Variants in FUT8 observed in about 807,000 individuals in gnomAD.
FUT8 encodes the protein fucosyltransferase 8, also known as alpha-(1,6)-fucosyltransferase.
FUT8 carries 29 observed loss-of-function variants against 71.3 expected under a neutral mutation model. The observed-to-expected ratio is 0.41, with a 90% CI of 0.30 to 0.55. The LOEUF (loss-of-function observed/expected upper bound fraction) is 0.55. FUT8 is among the 20% of genes least tolerant of loss of function. The probability of loss-of-function intolerance (pLI) is 0.34; values close to 1 mark genes in which losing one functional copy is unlikely to be tolerated. For synonymous variants in FUT8, 254 were observed against 239.3 expected (o/e 1.06, Z -0.57); for missense variants, 544 against 702.1 (o/e 0.77, Z 2.55).
At chr14:65,463,345 C>T (rs1030139309) in intron 2 of FUT8, among the ~76,000 whole-genome samples, 2 of 152,180 alleles carry the variant, frequency 1.3e-5, no homozygotes, top group Non-Finnish European at 2.9e-5. Context: ...CGGCTCACTG[C>T]AGCCTTGACC....
intron 7 of FUT8, among the ~76,000 whole-genome samples, chr14:65,693,349 A>T (rs2140450130): frequency 6.6e-6 from 1 of 152,364 alleles, no homozygotes; most frequent in East Asian, 1.9e-4. Flanking sequence ...CACCAAAAAA[A>T]TACGAAAACC....
intron 2 of FUT8, chr14:65,479,676 G>T (rs547537746): frequency 1.6e-4 from 24 of 146,860 alleles, no homozygotes; most frequent in Admixed American, 1.4e-3. Context: ...TTCTTTGCTT[G>T]TTTTTGATCT....
intron 1 of FUT8, among the ~76,000 whole-genome samples, chr14:65,453,571 A>G (rs183565493): frequency 1.3e-5 from 2 of 152,100 alleles, no homozygotes; most frequent in Non-Finnish European, 2.9e-5. Context: ...TTATAGAGTC[A>G]TCTTTATTCT....
chr14:65,554,965 T>C (rs1885509640), intron 2 of FUT8, among the ~76,000 whole-genome samples: 1 of 152,232 alleles, frequency 6.6e-6, no homozygotes, highest in African/African-American at 2.4e-5. Flanking sequence ...GATCCTTTTG[T>C]AGCTTGTTTT....
chr14:65,559,362 T>C (rs1442276500), intron 2 of FUT8, among the ~76,000 whole-genome samples: 2 of 152,128 alleles, frequency 1.3e-5, no homozygotes, highest in Admixed American at 6.6e-5. Context: ...AAATTGACTA[T>C]CTACATAGCA....
chr14:65,517,623 A>C (rs1163923117), intron 2 of FUT8, among the ~76,000 whole-genome samples: 2 of 152,302 alleles, frequency 1.3e-5, no homozygotes, highest in Non-Finnish European at 2.9e-5. Context: ...TCATATCAAC[A>C]TGGAAATTAG....
intron 7 of FUT8, among the ~76,000 whole-genome samples, chr14:65,693,485 G>T (rs555046682): frequency 1.3e-5 from 2 of 152,314 alleles, no homozygotes; most frequent in African/African-American, 4.8e-5. Flanking sequence ...GCTTCAGCTC[G>T]GCATCACAGG....
chr14:65,450,756 C>G (rs2065809195), intron 1 of FUT8, among the ~76,000 whole-genome samples: 1 of 152,058 alleles, frequency 6.6e-6, no homozygotes, highest in Admixed American at 6.5e-5. Context: ...AGTAAACTTT[C>G]ATGGTTAATC....
chr14:65,643,871 T>G lies in FUT8; in HGVS notation c.597+14265T>G, dbSNP rs1288331290. Among the ~76,000 whole-genome samples, 1 of 152,208 alleles carries G rather than the reference T, an allele frequency of 6.6e-6. No individual in the cohort carries two copies. Among genetic ancestry groups the G allele is most frequent in the Non-Finnish European group, 1.5e-5 (1 of 68,042 alleles). ...ATATCAGCCCAATATGTACTTGTTT[T>G]AAAGTTATTTCGAAAGTAATTTTCT... On this transcript the variant is annotated intron_variant, in intron 6 of 10. Transcript: ENST00000673929. The surrounding 1 kb of genome is among the most constrained non-coding windows in gnomAD (Gnocchi z 4.5).
At chr14:65,726,734 TC>T (rs1285008874) in intron 9 of FUT8, among the ~76,000 whole-genome samples, 3 of 151,844 alleles carry the variant, frequency 2.0e-5, no homozygotes, top group Admixed American at 6.6e-5. Flanking sequence ...TTCCCAACAG[TC>T]CCCCCGGAGT....
At chr14:65,536,245 A>G (rs1465871428) in intron 2 of FUT8, among the ~76,000 whole-genome samples, 1 of 152,136 alleles carries the variant, frequency 6.6e-6, no homozygotes, top group East Asian at 1.9e-4. Flanking sequence ...CATTTAGACC[A>G]TTTACATTCA....
the FUT8 span, among the ~76,000 whole-genome samples, chr14:65,378,609 C>G: frequency 1.3e-5 from 2 of 152,050 alleles, no homozygotes; most frequent in African/African-American, 4.8e-5. Flanking sequence ...ATTTTGGAAA[C>G]AGACAGAAAG....
the FUT8 span, among the ~76,000 whole-genome samples, chr14:65,387,180 A>AT: frequency 2.0e-5 from 3 of 152,062 alleles, no homozygotes; most frequent in African/African-American, 7.2e-5. Flanking sequence ...TCCTTTAAGT[A>AT]TTTTGACACT....
chr14:65,528,355 G>A (rs918763188), intron 2 of FUT8, among the ~76,000 whole-genome samples: 28 of 152,212 alleles, frequency 1.8e-4, no homozygotes, highest in Admixed American at 1.8e-3. Context: ...AGCCAGGCGC[G>A]GGATATAATC....
chr14:65,665,379 A>T (rs747231991), intron 6 of FUT8, among the ~76,000 whole-genome samples: 3 of 152,226 alleles, frequency 2.0e-5, no homozygotes, highest in Non-Finnish European at 4.4e-5. Context: ...GATGTATGCA[A>T]CTTTGAATTC....
the FUT8 span, among the ~76,000 whole-genome samples, chr14:65,375,826 C>T: frequency 2.3e-5 from 2 of 85,816 alleles, no homozygotes; most frequent in Admixed American, 1.2e-4. Context: ...TGCAGTGGCT[C>T]ATGCCTGTAA....
Position 65,553,965 on chromosome 14 carries a change from A to G in FUT8, c.-227-7372A>G, listed in dbSNP as rs1457586570. Among the ~76,000 whole-genome samples, 5 of 151,922 alleles carry G rather than the reference A, an allele frequency of 3.3e-5. No individual in the cohort carries two copies. The East Asian group carries it at 5.8e-4, about 18-fold the overall frequency. On this transcript the variant is annotated intron_variant, in intron 2 of 10. Transcript: ENST00000673929. ...CATTTTTTTACTTTGGAAAATTCCC[A>G]GCTAACATCTCTTTAAATGTATTTT... is the stretch of plus-strand genomic sequence containing the variant.
intron 3 of FUT8, among the ~76,000 whole-genome samples, chr14:65,585,770 G>T (rs1249523693): frequency 6.6e-6 from 1 of 152,228 alleles, no homozygotes; most frequent in Non-Finnish European, 1.5e-5. Context: ...ATTGGCGTTT[G>T]ATTTCCTCAA....
At chr14:65,452,640 A>G (rs2065844767) in intron 1 of FUT8, among the ~76,000 whole-genome samples, 1 of 152,234 alleles carries the variant, frequency 6.6e-6, no homozygotes, top group Non-Finnish European at 1.5e-5. Flanking sequence ...GCTTTCAATA[A>G]TTCAATTGAC....
Sources: gnomAD v4.1 joint callset for allele counts (sites outside exome capture counted in the v4.1 genomes callset) on GRCh38, gnomAD v4.1.1 for gene constraint, Gnocchi (gnomAD v3.1) non-coding constraint, MANE v1.5 for transcripts, NCBI Gene and HGNC (gene_info 2026-07-23, HGNC 2026-07-21) for gene names.